Variants in MPP7 observed in about 807,000 individuals in gnomAD.
MPP7 encodes MAGUK p55 subfamily member 7.
Under a neutral mutation model 76.5 loss-of-function variants are expected in MPP7, and 60 were observed. The observed-to-expected ratio is 0.78, with a 90% CI of 0.64 to 0.97. The LOEUF (loss-of-function observed/expected upper bound fraction) is 0.97. Ranked by LOEUF, MPP7 falls within the 50% of genes least tolerant of loss-of-function variation. The pLI, the probability that MPP7 is intolerant of heterozygous loss-of-function variation, is 0.00. For synonymous variants in MPP7, 237 were observed against 244.5 expected (o/e 0.97, Z 0.29); for missense variants, 641 against 694.0 (o/e 0.92, Z 0.86).
intron 5 of MPP7, among the ~76,000 whole-genome samples, chr10:28,137,824 G>A (rs1835395139): frequency 6.6e-6 from 1 of 152,168 alleles, no homozygotes; most frequent in South Asian, 2.1e-4. Context: ...AGAAGAATCT[G>A]CAGGAAATTG....
At chr10:28,098,611 GAACA>G (rs140417167) in intron 11 of MPP7, among the ~76,000 whole-genome samples, 2,587 of 151,450 alleles carry the variant, frequency 0.017, 70 homozygotes, top group African/African-American at 0.057. Context: ...CAAATGAAAT[GAACA>G]AACAAATGAA....
intron 3 of MPP7, among the ~76,000 whole-genome samples, chr10:28,179,678 C>T (rs1449834391): frequency 2.0e-5 from 3 of 151,998 alleles, no homozygotes; most frequent in South Asian, 2.1e-4. Context: ...TCAGATGTCC[C>T]GAAGGAATGA....
At chr10:28,085,938 A>C (rs1032672428) in intron 12 of MPP7, among the ~76,000 whole-genome samples, 4 of 152,218 alleles carry the variant, frequency 2.6e-5, no homozygotes, top group Admixed American at 6.5e-5. Context: ...GCACATATAC[A>C]CCATGGAATA....
rs553038207 is a variant in MPP7, at chr10:28,228,755, C to G, written c.37+9813G>C. On this transcript the variant is annotated intron_variant, in intron 2 of 16. Coordinates refer to ENST00000683449, the MANE Select transcript of MPP7 (RefSeq NM_001318170.2). ...CAGCCTGGGTGACAGAGTGAGACTC[C>G]ATCTCAAAAAAAACAGAAAAAAAGA... Among the ~76,000 whole-genome samples the G allele has an allele frequency of 3.3e-5, 5 of 150,958 alleles. 1 individual carries two copies. The South Asian group carries it at 1.0e-3, about 32-fold the overall frequency.
chr10:28,239,874 A>G (rs1370663845), intron 1 of MPP7, among the ~76,000 whole-genome samples: 2 of 152,202 alleles, frequency 1.3e-5, no homozygotes, highest in African/African-American at 2.4e-5. Flanking sequence ...AATTAGAACT[A>G]TTTGGTAATT....
intron 8 of MPP7, among the ~76,000 whole-genome samples, chr10:28,120,922 G>A (rs993556329): frequency 6.6e-6 from 1 of 152,166 alleles, no homozygotes; most frequent in Non-Finnish European, 1.5e-5. Flanking sequence ...AAGCTGTCAA[G>A]TAAATACATT....
At chr10:28,072,966 T>C (rs1278234043) in intron 12 of MPP7, among the ~76,000 whole-genome samples, 1 of 152,110 alleles carries the variant, frequency 6.6e-6, no homozygotes, top group African/African-American at 2.4e-5. Context: ...CCTCTCTCCA[T>C]ACCCACTGCT....
intron 12 of MPP7, among the ~76,000 whole-genome samples, chr10:28,087,995 T>C (rs1166059906): frequency 6.6e-6 from 1 of 152,166 alleles, no homozygotes; most frequent in Non-Finnish European, 1.5e-5. Context: ...ATAAAGGAAA[T>C]TTTGAATTTC....
Position 28,238,608 on chromosome 10 carries a change from G to C in MPP7, c.-4C>G, listed in dbSNP as rs747368728. 6.2e-7 allele frequency: 1 copy of C among 1,614,132 alleles called. No homozygotes were observed. Among genetic ancestry groups the C allele is most frequent in the Non-Finnish European group, 8.5e-7 (1 of 1,180,012 alleles). On this transcript the variant is annotated 5_prime_UTR_variant, in exon 2 of 17. Coordinates refer to ENST00000683449, the MANE Select transcript of MPP7 (RefSeq NM_001318170.2). ...ATCCCGTTGACAAAGCTGGCATGAT[G>C]CAAGGTGTAGGAACAGGTCAGCCCA...
intron 2 of MPP7, among the ~76,000 whole-genome samples, chr10:28,317,116 G>A (rs1834331967): frequency 6.6e-6 from 1 of 152,140 alleles, no homozygotes; most frequent in Admixed American, 6.6e-5. Context: ...AAAATTAAGG[G>A]CAGATATTCC....
intron 1 of MPP7, among the ~76,000 whole-genome samples, chr10:28,252,273 A>G (rs966978483): frequency 3.9e-5 from 6 of 152,230 alleles, no homozygotes; most frequent in African/African-American, 1.4e-4. Context: ...ATGAGTCTAG[A>G]TTGTATTCTG....
chr10:28,164,051 C>A (rs1487249016), intron 3 of MPP7, among the ~76,000 whole-genome samples: 1 of 152,182 alleles, frequency 6.6e-6, no homozygotes, highest in Non-Finnish European at 1.5e-5. Flanking sequence ...GCTTGTGAGA[C>A]ACCCACGTGG....
Position 28,059,658 on chromosome 10 carries a change from T to C in MPP7, c.1290A>G (p.Gln430=). The change falls in exon 14 of 17, where the codon CAA becomes CAG. Residue 430 remains glutamine, a synonymous_variant. Coordinates refer to ENST00000683449, the MANE Select transcript of MPP7 (RefSeq NM_001318170.2). ...ISKHLFETDV[Q]NNKFIEYGEY... Reference sequence around the variant, plus strand: ...CAAAAATGTCCACATACTTGTTATTTTGTACATCTGTCTCAAACAAATGCT... The same window carrying C: ...CAAAAATGTCCACATACTTGTTATTCTGTACATCTGTCTCAAACAAATGCT... 6.2e-7 allele frequency: 1 copy of C among 1,611,264 alleles called. No individual in the cohort carries two copies. Among genetic ancestry groups the C allele is most frequent in the Non-Finnish European group, 8.5e-7 (1 of 1,177,790 alleles).
chr10:28,131,600 G>A lies in MPP7; in HGVS notation c.407C>T (p.Ser136Leu), dbSNP rs1169513038. The A allele has an allele frequency of 8.1e-6, 13 of 1,606,050 alleles. No individual in the cohort carries two copies. The highest frequency in any genetic ancestry group is 1.7e-5 in the Admixed American group (1 of 59,868). ...MPEDIDDEED[S>L]VKIIRLVKNR... Reference sequence around the variant, plus strand: ...TTTGACCAGACGGATTATTTTTACTGAGTCTTCCTCATCGTCAATATCTTC... The same window carrying A: ...TTTGACCAGACGGATTATTTTTACTAAGTCTTCCTCATCGTCAATATCTTC... Residue 136 changes from serine to leucine, a missense_variant, in exon 6 of 17, where the codon TCA becomes TTA. Physicochemically the swap from Ser to Leu is moderately radical, Grantham distance 145. Coordinates refer to ENST00000683449, the MANE Select transcript of MPP7 (RefSeq NM_001318170.2).
chr10:28,325,520 G>A (rs992750177), intron 2 of MPP7, among the ~76,000 whole-genome samples: 35 of 151,746 alleles, frequency 2.3e-4, no homozygotes, highest in Admixed American at 1.7e-3. Flanking sequence ...TTGAGACCGA[G>A]TCTTGCTCTG....
chr10:28,113,479 C>A (rs1460606464), intron 11 of MPP7, among the ~76,000 whole-genome samples: 1 of 152,174 alleles, frequency 6.6e-6, no homozygotes, highest in Admixed American at 6.5e-5. Flanking sequence ...TAGAGAGTGG[C>A]TATCTTGGTA....
intron 2 of MPP7, among the ~76,000 whole-genome samples, chr10:28,206,314 T>G (rs1318589479): frequency 6.6e-6 from 1 of 152,206 alleles, no homozygotes. Flanking sequence ...CAATCCTAAA[T>G]ATAAGGCTCT....
At chr10:28,217,928 A>T (rs1838367820) in intron 2 of MPP7, among the ~76,000 whole-genome samples, 1 of 152,174 alleles carries the variant, frequency 6.6e-6, no homozygotes, top group African/African-American at 2.4e-5. Flanking sequence ...AACTTACCCA[A>T]ATGCTTGTGG....
At chr10:28,107,160 A>G (rs1279216310) in intron 11 of MPP7, among the ~76,000 whole-genome samples, 1 of 152,124 alleles carries the variant, frequency 6.6e-6, no homozygotes, top group Admixed American at 6.5e-5. Flanking sequence ...CATATCATCG[A>G]ACTTAAATAT....
Sources: allele counts gnomAD v4.1 joint callset (sites outside exome capture counted in the v4.1 genomes callset), GRCh38; gene constraint gnomAD v4.1.1; transcripts MANE v1.5; gene names NCBI Gene and HGNC (gene_info 2026-07-23, HGNC 2026-07-21).